CTNNA2: variants seen among roughly 807,000 people sequenced by gnomAD.
CTNNA2 encodes catenin alpha-2.
In CTNNA2, 42 loss-of-function variants were observed where a neutral mutation model predicts 101.0. The observed-to-expected ratio is 0.42, with a 90% CI of 0.32 to 0.54. The LOEUF (loss-of-function observed/expected upper bound fraction) is 0.54. CTNNA2 is among the 20% of genes least tolerant of loss of function. CTNNA2 has a pLI of 0.14. For missense variants in CTNNA2, 871 were observed against 1,223.1 expected, an observed-to-expected ratio of 0.71 and a Z score of 4.29; for synonymous variants, 450 against 456.4, an observed-to-expected ratio of 0.99 and a Z score of 0.18.
At chr2:79,618,513 A>G (rs1380045266) in intron 1 of CTNNA2, among the ~76,000 whole-genome samples, 1 of 152,180 alleles carries the variant, frequency 6.6e-6, no homozygotes, top group African/African-American at 2.4e-5. Flanking sequence ...TAAAATGCCC[A>G]AGATAAGCCT....
intron 9 of CTNNA2, among the ~76,000 whole-genome samples, chr2:80,519,862 G>T (rs1479857490): frequency 6.6e-6 from 1 of 152,162 alleles, no homozygotes; most frequent in Non-Finnish European, 1.5e-5. Context: ...TAATGGCCAG[G>T]TGTCCTCACT....
intron 4 of CTNNA2, among the ~76,000 whole-genome samples, chr2:79,425,678 G>A (rs1431348646): frequency 1.3e-5 from 2 of 152,106 alleles, no homozygotes; most frequent in Non-Finnish European, 2.9e-5. Flanking sequence ...CAACACCTGA[G>A]TTTTGGATGG....
intron 18 of CTNNA2, among the ~76,000 whole-genome samples, chr2:80,621,229 C>G (rs1359348698): frequency 1.3e-5 from 2 of 151,768 alleles, no homozygotes; most frequent in Non-Finnish European, 2.9e-5. Flanking sequence ...TGCATCCCTG[C>G]TCTAAAAATC....
chr2:79,818,383 GCTCA>G (rs1355794587), intron 3 of CTNNA2, among the ~76,000 whole-genome samples: 90 of 152,126 alleles, frequency 5.9e-4, no homozygotes, highest in Non-Finnish European at 9.3e-4. Flanking sequence ...TGTGATCGTG[GCTCA>G]CTGCAGACTC....
chr2:79,486,951 TG>T (rs1671164216), intron 4 of CTNNA2, among the ~76,000 whole-genome samples: 1 of 152,242 alleles, frequency 6.6e-6, no homozygotes. Context: ...TAACAAATCA[TG>T]CTACATATAG....
At chr2:80,350,614 T>A (rs77801756) in intron 7 of CTNNA2, among the ~76,000 whole-genome samples, 1 of 152,188 alleles carries the variant, frequency 6.6e-6, no homozygotes, top group African/African-American at 2.4e-5. Context: ...CCATACCTTG[T>A]AGTAATTTAT....
intron 18 of CTNNA2, among the ~76,000 whole-genome samples, chr2:80,634,292 T>G (rs1034156662): frequency 1.3e-5 from 2 of 152,102 alleles, no homozygotes; most frequent in African/African-American, 4.8e-5. Flanking sequence ...AAAGTATGGC[T>G]TGGGTAGTTT....
chr2:80,499,547 G>C (rs1214767396), intron 9 of CTNNA2, among the ~76,000 whole-genome samples: 1 of 152,038 alleles, frequency 6.6e-6, no homozygotes, highest in African/African-American at 2.4e-5. Context: ...GCATGGCCAG[G>C]TATGGTGGTT....
At chr2:79,681,910 ATCTT>A (rs1683587972) in intron 2 of CTNNA2, among the ~76,000 whole-genome samples, 1 of 152,172 alleles carries the variant, frequency 6.6e-6, no homozygotes, top group African/African-American at 2.4e-5. Flanking sequence ...TTATTAGAAA[ATCTT>A]TGTTAGTGAG....
At chr2:79,884,268 C>T (rs1034478542) in intron 6 of CTNNA2, among the ~76,000 whole-genome samples, 2 of 152,144 alleles carry the variant, frequency 1.3e-5, no homozygotes, top group Non-Finnish European at 2.9e-5. Flanking sequence ...TCTCCTCAAC[C>T]TACAGAAAAT....
At chr2:79,597,868 CAT>C (rs1315122422) in intron 1 of CTNNA2, among the ~76,000 whole-genome samples, 5 of 152,166 alleles carry the variant, frequency 3.3e-5, no homozygotes, top group Non-Finnish European at 7.4e-5. Flanking sequence ...TGTATAATAA[CAT>C]GTGTCTACCA....
intron 7 of CTNNA2, among the ~76,000 whole-genome samples, chr2:80,203,398 A>G (rs949936981): frequency 8.5e-5 from 13 of 152,268 alleles, no homozygotes; most frequent in African/African-American, 3.1e-4. Context: ...CCAAGAGGGT[A>G]CAGACATTGG....
At chr2:79,973,368 G>T (rs575129796) in intron 7 of CTNNA2, among the ~76,000 whole-genome samples, 1 of 152,244 alleles carries the variant, frequency 6.6e-6, no homozygotes, top group East Asian at 1.9e-4. Flanking sequence ...AATGTTGAGG[G>T]TTGGCAGAGA....
intron 3 of CTNNA2, among the ~76,000 whole-genome samples, chr2:79,350,205 G>A (rs555989533): frequency 1.6e-4 from 24 of 151,962 alleles, no homozygotes; most frequent in African/African-American, 5.8e-4. Context: ...TAAAGGTGAG[G>A]TTTGTGCTTC....
chr2:79,879,119 C>A (rs919963084), intron 6 of CTNNA2, among the ~76,000 whole-genome samples: 1 of 152,092 alleles, frequency 6.6e-6, no homozygotes, highest in Admixed American at 6.5e-5. Flanking sequence ...TGTCAAAGAT[C>A]AGATGGTTGT....
At chr2:79,693,202 A>G (rs956576760) in intron 2 of CTNNA2, among the ~76,000 whole-genome samples, 23 of 152,130 alleles carry the variant, frequency 1.5e-4, no homozygotes, top group African/African-American at 5.5e-4. Context: ...GGGAAGAAGT[A>G]CAATTAAAGT....
chr2:79,825,910 A>G (rs922429871), intron 3 of CTNNA2, among the ~76,000 whole-genome samples: 5 of 152,198 alleles, frequency 3.3e-5, no homozygotes, highest in African/African-American at 4.8e-5. Flanking sequence ...GTAAATATCA[A>G]TGTATCATTA....
chr2:79,969,633 T>C (rs1310529258), intron 7 of CTNNA2, among the ~76,000 whole-genome samples: 10 of 152,170 alleles, frequency 6.6e-5, no homozygotes. Context: ...TAGAGACAGA[T>C]AGATACTTTG....
At chr2:80,527,713 A>G (rs987571796) in intron 9 of CTNNA2, among the ~76,000 whole-genome samples, 1 of 152,168 alleles carries the variant, frequency 6.6e-6, no homozygotes, top group Non-Finnish European at 1.5e-5. Context: ...GTTGGCCTCT[A>G]TAAAGGAGAA....
Sources: gnomAD v4.1 joint callset for allele counts (sites outside exome capture counted in the v4.1 genomes callset) on GRCh38, gnomAD v4.1.1 for gene constraint, MANE v1.5 for transcripts, NCBI Gene and HGNC (gene_info 2026-07-23, HGNC 2026-07-21) for gene names.